Variants in TNRC6C observed in about 807,000 individuals in gnomAD.
TNRC6C encodes trinucleotide repeat-containing gene 6C protein.
Under a neutral mutation model 153.7 loss-of-function variants are expected in TNRC6C, and 20 were observed. The ratio of observed to expected loss-of-function variants is 0.13; its 90% CI spans 0.09 to 0.19. The LOEUF is 0.19. Ranked by LOEUF, TNRC6C falls within the 10% of genes least tolerant of loss-of-function variation. TNRC6C has a pLI of 1.00. For missense variants in TNRC6C, 1,987 were observed against 2,172.0 expected (o/e 0.91, Z 1.69); for synonymous variants, 811 against 841.4 (o/e 0.96, Z 0.63).
At chr17:77,968,999 C>T (rs1033681215) in intron 1 of TNRC6C, among the ~76,000 whole-genome samples, 1 of 152,128 alleles carries the variant, frequency 6.6e-6, no homozygotes, top group Non-Finnish European at 1.5e-5. Context: ...TGACGCTAAG[C>T]CTGTTAGCGT....
rs372236223 is a variant in TNRC6C at position 78,084,217 on chromosome 17, G to T, written c.3477+1051G>T. ...GAGAATCGCTTGAACCTGGAAGGCGGAGGTTGCAGTGAGCCTCGCACCTTT... is the reference window on the plus strand; with the variant it reads ...GAGAATCGCTTGAACCTGGAAGGCGTAGGTTGCAGTGAGCCTCGCACCTTT... On this transcript the variant is annotated intron_variant, in intron 11 of 19. Transcript: ENST00000301624. Among the ~76,000 whole-genome samples, 8 of 151,520 alleles carry T rather than the reference G, an allele frequency of 5.3e-5. No individual in the cohort carries two copies. In the East Asian group the frequency reaches 1.6e-3, roughly 30 times the overall value.
chr17:78,012,927 G>A (rs2071662020), intron 1 of TNRC6C, among the ~76,000 whole-genome samples: 1 of 152,192 alleles, frequency 6.6e-6, no homozygotes, highest in South Asian at 2.1e-4. Flanking sequence ...TTAAAAGTAA[G>A]TGAGAGAATT....
At chr17:77,984,215 A>G (rs563822470) in intron 1 of TNRC6C, among the ~76,000 whole-genome samples, 60 of 152,236 alleles carry the variant, frequency 3.9e-4, no homozygotes, top group Non-Finnish European at 6.9e-4. Context: ...TGTAAGGAGG[A>G]ATAGAGGAGA....
At chr17:78,105,740 T>C (rs1273169214) in exon 20 of TNRC6C, 1 of 152,262 alleles carries the variant, frequency 6.6e-6, no homozygotes, top group Non-Finnish European at 1.5e-5. Flanking sequence ...TTTTCCCTTG[T>C]ATTCAGTATA....
chr17:78,079,450 C>A lies in TNRC6C; in HGVS notation c.3266C>A (p.Thr1089Asn), dbSNP rs1414107571. 6.2e-7 allele frequency: 1 copy of A among 1,613,798 alleles called. No individual in the cohort carries two copies. The highest frequency in any genetic ancestry group is 1.7e-5 in the Admixed American group (1 of 59,988). ...AATAGTGGAGCAGCACAAGCCAGGA[C>A]CATGCAGCAGCCGCCACAGCCACCA... The change falls in exon 10 of 20, where the codon ACC becomes AAC. Residue 1089 changes from threonine (T) to asparagine (N), a missense_variant. By Grantham distance (65) the Thr-to-Asn change is moderately conservative (BLOSUM62 0). Transcript: ENST00000301624. The surrounding 1 kb of genome is among the most constrained non-coding windows in gnomAD (Gnocchi z 4.3).
intron 10 of TNRC6C, among the ~76,000 whole-genome samples, chr17:78,082,815 G>A (rs759865564): frequency 4.0e-4 from 61 of 152,172 alleles, no homozygotes; most frequent in Admixed American, 3.0e-3. Flanking sequence ...AGCACATCAC[G>A]CGCTGTTGGC....
chr17:77,968,433 C>A (rs1238016423), intron 1 of TNRC6C, among the ~76,000 whole-genome samples: 1 of 151,570 alleles, frequency 6.6e-6, no homozygotes, highest in African/African-American at 2.4e-5. Flanking sequence ...CCTCCGCCTC[C>A]CGGGTTCAAG....
chr17:78,033,444 C>T (rs188968511), intron 2 of TNRC6C, among the ~76,000 whole-genome samples: 4 of 152,188 alleles, frequency 2.6e-5, no homozygotes, highest in Non-Finnish European at 5.9e-5. Context: ...CCAAGGTGGG[C>T]GGATCACCTG....
intron 1 of TNRC6C, among the ~76,000 whole-genome samples, chr17:77,995,637 CAT>C (rs2071316743): frequency 6.6e-6 from 1 of 152,164 alleles, no homozygotes; most frequent in Admixed American, 6.5e-5. Flanking sequence ...CTCTGTAACA[CAT>C]AGGCCAGGAT....
chr17:78,063,568 G>A (rs1485582867), intron 3 of TNRC6C, among the ~76,000 whole-genome samples: 1 of 152,008 alleles, frequency 6.6e-6, no homozygotes, highest in African/African-American at 2.4e-5. Context: ...AACAGGACTT[G>A]GCAAAGGAAT....
upstream of TNRC6C, among the ~76,000 whole-genome samples, chr17:78,000,687 A>G (rs922030213): frequency 1.4e-5 from 2 of 139,584 alleles, no homozygotes; most frequent in Admixed American, 8.1e-5. Flanking sequence ...TCCAACCAGT[A>G]TAACTTCAGA....
intron 18 of TNRC6C, chr17:78,102,967 T>C (rs955330435): frequency 4.2e-6 from 1 of 236,490 alleles, no homozygotes; most frequent in Non-Finnish European, 8.3e-6. Context: ...CAAGACCCCA[T>C]GTGTGTATTT....
chr17:78,069,091 A>C (rs757770144), intron 5 of TNRC6C, among the ~76,000 whole-genome samples: 2 of 152,238 alleles, frequency 1.3e-5, no homozygotes, highest in African/African-American at 4.8e-5. Context: ...AAAACTGTAC[A>C]TGACAGAAAA....
chr17:77,991,799 G>C (rs530068550), intron 1 of TNRC6C, among the ~76,000 whole-genome samples: 1 of 152,154 alleles, frequency 6.6e-6, no homozygotes, highest in Non-Finnish European at 1.5e-5. Flanking sequence ...TGAAGCATAC[G>C]GCTGTCACTT....
chr17:77,976,070 A>G (rs1328004816), intron 1 of TNRC6C, among the ~76,000 whole-genome samples: 1 of 152,218 alleles, frequency 6.6e-6, no homozygotes, highest in Non-Finnish European at 1.5e-5. Flanking sequence ...ATGAATAATA[A>G]TATATACTAT....
intron 1 of TNRC6C, among the ~76,000 whole-genome samples, chr17:78,023,225 G>A (rs1320148861): frequency 6.6e-6 from 1 of 152,242 alleles, no homozygotes; most frequent in East Asian, 1.9e-4. Flanking sequence ...TTGAGCATCT[G>A]TGGATTTTGG....
At chr17:78,007,589 G>C (rs927414553) in intron 1 of TNRC6C, among the ~76,000 whole-genome samples, 1 of 152,154 alleles carries the variant, frequency 6.6e-6, no homozygotes, top group Non-Finnish European at 1.5e-5. Flanking sequence ...TCCCTCCCCT[G>C]CTCCAGATTG....
At chr17:78,060,512 G>A (rs995633394) in intron 3 of TNRC6C, among the ~76,000 whole-genome samples, 16 of 126,658 alleles carry the variant, frequency 1.3e-4, no homozygotes, top group Admixed American at 9.8e-4. Flanking sequence ...TAACTCTGTC[G>A]CCCAGGCTGG....
At chr17:77,959,040 G>A (rs1470917860), upstream of TNRC6C, among the ~76,000 whole-genome samples, 1 of 144,646 alleles carries the variant, frequency 6.9e-6, no homozygotes, top group Non-Finnish European at 1.5e-5. Context: ...CGTTGCCGGG[G>A]CCGGACCTGG....
Sources: gnomAD v4.1 joint callset for allele counts (sites outside exome capture counted in the v4.1 genomes callset) on GRCh38, gnomAD v4.1.1 for gene constraint, Gnocchi (gnomAD v3.1) non-coding constraint, MANE v1.5 for transcripts, NCBI Gene and HGNC (gene_info 2026-07-23, HGNC 2026-07-21) for gene names.